The following ADAM17 variants were observed in gnomAD, a reference collection of about 807,000 sequenced individuals.
ADAM17 encodes ADAM metallopeptidase domain 17.
Under a neutral mutation model 96.7 loss-of-function variants are expected in ADAM17, and 39 were observed. The ratio of observed to expected loss-of-function variants is 0.40; its 90% CI spans 0.31 to 0.53. The LOEUF (loss-of-function observed/expected upper bound fraction) is 0.53. Ranked by LOEUF, ADAM17 falls within the 20% of genes least tolerant of loss-of-function variation. The probability of loss-of-function intolerance (pLI) is 0.44; values close to 1 mark genes in which losing one functional copy is unlikely to be tolerated. For missense variants in ADAM17, 777 were observed against 1,013.2 expected, an observed-to-expected ratio of 0.77 and a Z score of 3.17; for synonymous variants, 344 against 359.2, an observed-to-expected ratio of 0.96 and a Z score of 0.48.
chr2:9,548,578 G>A (rs1665487151), intron 1 of ADAM17, among the ~76,000 whole-genome samples: 1 of 151,930 alleles, frequency 6.6e-6, no homozygotes, highest in African/African-American at 2.4e-5. Flanking sequence ...TAGAGCCTTG[G>A]GAGAAACAGA....
At chr2:9,548,964 G>A (rs933828096) in intron 1 of ADAM17, among the ~76,000 whole-genome samples, 1 of 152,072 alleles carries the variant, frequency 6.6e-6, no homozygotes, top group South Asian at 2.1e-4. Flanking sequence ...TTTGTCTCTG[G>A]GATAAGCTTT....
chr2:9,505,807 CAGG>C (rs1663352386), intron 11 of ADAM17, among the ~76,000 whole-genome samples: 3 of 152,140 alleles, frequency 2.0e-5, no homozygotes, highest in Non-Finnish European at 2.9e-5. Context: ...TTCAGAAATG[CAGG>C]AGAAGGGGTT....
intron 14 of ADAM17, 117 bp downstream of exon 14, chr2:9,496,997 C>T: frequency 6.8e-7 from 1 of 1,472,290 alleles, no homozygotes; most frequent in Non-Finnish European, 9.1e-7. Flanking sequence ...ATCCCCTCAT[C>T]CTCGGCTTGG....
intron 4 of ADAM17, among the ~76,000 whole-genome samples, chr2:9,532,477 T>C (rs1664788338): frequency 6.6e-6 from 1 of 152,100 alleles, no homozygotes; most frequent in African/African-American, 2.4e-5. Flanking sequence ...CATCTTTGTG[T>C]GTGTGTATGT....
At chr2:9,498,793 G>GATACCAA (rs1355917227) in intron 13 of ADAM17, among the ~76,000 whole-genome samples, 14 of 152,204 alleles carry the variant, frequency 9.2e-5, no homozygotes, top group Non-Finnish European at 2.1e-4. Flanking sequence ...TTTGGTATAT[G>GATACCAA]ATACTGCCCT....
chr2:9,553,280 T>C (rs1170710008), intron 1 of ADAM17, among the ~76,000 whole-genome samples: 2 of 152,196 alleles, frequency 1.3e-5, no homozygotes, highest in African/African-American at 2.4e-5. Context: ...TGAATGTCTA[T>C]TTCCCTATGC....
At chr2:9,521,570 T>C (rs955923898) in intron 7 of ADAM17, 1 of 182,898 alleles carries the variant, frequency 5.5e-6, no homozygotes, top group African/African-American at 2.4e-5. Context: ...TCCTCCATGT[T>C]TATTTTGAAA....
intron 10 of ADAM17, 50 bp from the exon 11 acceptor site, chr2:9,510,181 C>A: frequency 6.2e-7 from 1 of 1,600,984 alleles, no homozygotes; most frequent in Non-Finnish European, 8.5e-7. Flanking sequence ...CAGCCATCAC[C>A]TACTTCTGCC....
At position 9,505,207 on chromosome 2, in the gene ADAM17, G is replaced by C; in HGVS notation, c.1503C>G (p.Cys501Trp). Residue 501 changes from cysteine (C) to tryptophan (W), a missense_variant, in exon 12 of 19, where the codon TGC becomes TGG. Cys to Trp is a radical substitution (Grantham distance 215). Coordinates refer to ENST00000310823, the MANE Select transcript of ADAM17 (RefSeq NM_003183.6). ...PGIMYLNNDT[C>W]CNSDCTLKEG... ...CCTTCAACGTGCAGTCGCTGTTGCA[G>C]CAGGTGTCGTTGTTCAGATACATGA... 1 of 1,614,174 alleles carries C rather than the reference G, an allele frequency of 6.2e-7. No individual in the cohort carries two copies. Among genetic ancestry groups the C allele is most frequent in the Non-Finnish European group, 8.5e-7 (1 of 1,180,034 alleles).
chr2:9,514,206 T>C (rs7606986), intron 10 of ADAM17, among the ~76,000 whole-genome samples: 9,585 of 151,242 alleles, frequency 0.063, 1,079 homozygotes, highest in African/African-American at 0.22. Flanking sequence ...ATGTCCTTCG[T>C]AGGGACATGG....
intron 10 of ADAM17, chr2:9,512,468 G>GTA (rs1303437668): frequency 6.6e-6 from 1 of 152,124 alleles, no homozygotes; most frequent in African/African-American, 2.4e-5. Flanking sequence ...CCCTGGTTAC[G>GTA]GTCTTCTGTT....
intron 1 of ADAM17, among the ~76,000 whole-genome samples, chr2:9,553,948 G>T (rs1665662787): frequency 6.6e-6 from 1 of 151,838 alleles, no homozygotes; most frequent in Admixed American, 6.6e-5. Flanking sequence ...TGTAATCCCA[G>T]CTACTCAGGA....
Position 9,549,434 on chromosome 2 carries a change from A to G in ADAM17, c.97+6075T>C, listed in dbSNP as rs139055903. Among the ~76,000 whole-genome samples the G allele has an allele frequency of 5.3e-3, 813 of 152,360 alleles. 5 individuals carry two copies. The highest frequency in any genetic ancestry group is 0.019 in the African/African-American group (782 of 41,582). ...TGTGTGTATATCAACATATATACAC[A>G]TAAGTATAGTGGTATGTATATAACC... On this transcript the variant is annotated intron_variant, in intron 1 of 18. Transcript: ENST00000310823.
intron 11 of ADAM17, 49 bp from the exon 12 acceptor site, chr2:9,505,414 T>C (rs760497222): frequency 8.5e-6 from 13 of 1,536,918 alleles, no homozygotes; most frequent in Middle Eastern, 1.7e-4. Context: ...CATAAAAATG[T>C]ATTCCCATGC....
chr2:9,502,188 C>T lies in ADAM17; in HGVS notation c.1633G>A (p.Val545Met), dbSNP rs1490396262. 3.1e-6 allele frequency: 5 copies of T among 1,613,880 alleles called. No homozygotes were observed. The highest frequency in any genetic ancestry group is 3.3e-5 in the Admixed American group (2 of 59,980). Residue 545 changes from valine to methionine, a missense_variant, in exon 13 of 19, where the codon GTG becomes ATG. Physicochemically the swap from Val to Met is conservative, Grantham distance 21. This residue lies in a region of ADAM17 where 446 missense variants were observed against 664.7 expected (regional missense o/e 0.67). Coordinates refer to ENST00000310823, the MANE Select transcript of ADAM17 (RefSeq NM_003183.6). ...QEAINATCKG[V>M]SYCTGNSSEC... ...GAACACGAACCTGTGCAGTAGGACA[C>T]GCCTTTGCAAGTAGCATTAATCGCC...
intron 1 of ADAM17, among the ~76,000 whole-genome samples, chr2:9,554,577 C>A (rs577336504): frequency 3.0e-4 from 46 of 152,158 alleles, no homozygotes; most frequent in Non-Finnish European, 6.5e-4. Flanking sequence ...ACCAGTACAA[C>A]CATGCAAGCC....
intron 11 of ADAM17, among the ~76,000 whole-genome samples, chr2:9,507,374 C>T (rs911797824): frequency 6.6e-6 from 1 of 152,034 alleles, no homozygotes; most frequent in African/African-American, 2.4e-5. Context: ...TGGTGGCATG[C>T]ACCTGTAACC....
intron 4 of ADAM17, among the ~76,000 whole-genome samples, chr2:9,531,713 T>TA (rs1374984865): frequency 6.6e-6 from 1 of 151,744 alleles, no homozygotes; most frequent in African/African-American, 2.4e-5. Flanking sequence ...AATAAATAAA[T>TA]AAAAGTTGGG....
In ADAM17 at chr2:9,489,343, C is replaced by T. The variant is rs1417845394; in HGVS notation, c.*834G>A. 1.4e-5 allele frequency: 2 copies of T among 146,260 alleles called. No homozygotes were observed. Among genetic ancestry groups the T allele is most frequent in the African/African-American group, 5.2e-5 (2 of 38,232 alleles). The allele number at this position is 146,260 out of a possible 1,614,324, so 9.1% of individuals were successfully genotyped here. On this transcript the variant is annotated 3_prime_UTR_variant, in exon 19 of 19. Coordinates refer to ENST00000310823, the MANE Select transcript of ADAM17 (RefSeq NM_003183.6). ...TGTAGTGGCGCAACCTCAGCCTCTCCAAGTGCTGGGATTACAGGCATGAGC... is the reference window on the plus strand; with the variant it reads ...TGTAGTGGCGCAACCTCAGCCTCTCTAAGTGCTGGGATTACAGGCATGAGC...
Sources: gnomAD v4.1 joint callset for allele counts (sites outside exome capture counted in the v4.1 genomes callset) on GRCh38, gnomAD v4.1.1 for gene constraint, gnomAD v4.1.1 regional missense constraint, MANE v1.5 for transcripts, NCBI Gene and HGNC (gene_info 2026-07-23, HGNC 2026-07-21) for gene names.